Variants in TMF1 observed in about 807,000 individuals in gnomAD.
TMF1 encodes the protein TATA element modulatory factor 1, also known as TATA element modulatory factor.
TMF1 carries 71 observed loss-of-function variants against 126.5 expected under a neutral mutation model. The observed-to-expected ratio is 0.56, with a 90% confidence interval of 0.46 to 0.68. The LOEUF (loss-of-function observed/expected upper bound fraction) is 0.68, where lower values mean the gene tolerates loss of function less well. TMF1 is among the 30% of genes least tolerant of loss of function. The pLI is 0.00. For synonymous variants in TMF1, 461 were observed against 430.5 expected, an observed-to-expected ratio of 1.07 and a Z score of -0.88; for missense variants, 1,259 against 1,253.2, an observed-to-expected ratio of 1.00 and a Z score of -0.07.
At position 69,048,608 on chromosome 3, in the gene TMF1, A is replaced by G. The variant is rs756119965; in HGVS notation, c.143-46T>C. The G allele has an allele frequency of 1.2e-5, 17 of 1,426,214 alleles. No homozygotes were observed. In the South Asian group the frequency reaches 2.0e-4, roughly 17 times the overall value. The allele number at this position is 1,426,214 out of a possible 1,614,324, so 88.3% of individuals were successfully genotyped here. A position where few individuals can be genotyped will look rare whatever the true frequency, so the allele number is the denominator to read the frequency against. On this transcript the variant is annotated intron_variant, in intron 1 of 16. Coordinates refer to ENST00000398559, the MANE Select transcript of TMF1 (RefSeq NM_007114.3). ...TTAAAAAAGAACACATATATGTTAC[A>G]TTAATATTTCAATCATCATTATAAA...
chr3:69,032,196 A>G (rs1333719870), intron 10 of TMF1, among the ~76,000 whole-genome samples: 3 of 152,166 alleles, frequency 2.0e-5, no homozygotes, highest in Non-Finnish European at 4.4e-5. Flanking sequence ...CCCTCTCACC[A>G]TGACAGCAGC....
intron 8 of TMF1, among the ~76,000 whole-genome samples, chr3:69,038,170 A>T (rs904421574): frequency 6.6e-6 from 1 of 152,234 alleles, no homozygotes; most frequent in Non-Finnish European, 1.5e-5. Flanking sequence ...TGATTTGATA[A>T]GACAAAGCCT....
At position 69,022,201 on chromosome 3, in the gene TMF1, G is replaced by T. The variant is rs2091742234; in HGVS notation, c.*976C>A. 2 of 152,412 alleles carry T rather than the reference G, an allele frequency of 1.3e-5. No individual in the cohort carries two copies. The highest frequency in any genetic ancestry group is 2.9e-5 in the Non-Finnish European group (2 of 68,000). 9.4% of individuals were successfully genotyped at this position (152,412 alleles called of 1,614,324 possible). ...AATGATAAATCACAAAATTAAAAAT[G>T]CCAAATTCAAGTTAATTCCTATAAT... On this transcript the variant is annotated 3_prime_UTR_variant, in exon 17 of 17. Transcript: ENST00000398559.
chr3:69,048,271 G>A lies in TMF1; in HGVS notation c.434C>T (p.Pro145Leu). 6.2e-7 allele frequency: 1 copy of A among 1,614,168 alleles called. No homozygotes were observed. The highest frequency in any genetic ancestry group is 8.5e-7 in the Non-Finnish European group (1 of 1,180,030). The change falls in exon 2 of 17, where the codon CCT becomes CTT. Residue 145 changes from proline to leucine, a missense_variant. Coordinates refer to ENST00000398559, the MANE Select transcript of TMF1 (RefSeq NM_007114.3). ...TTTTACTTGTGATTCAGTTGTTTCA[G>A]GAGTTCTTGACTGGCCAATGTGCAA... is the stretch of plus-strand genomic sequence containing the variant. Reference protein sequence around the residue: ...ESLHIGQSRTPETTESQVKDS... With the variant: ...ESLHIGQSRTLETTESQVKDS...
intron 1 of TMF1, 73 bp downstream of exon 1, chr3:69,051,872 C>T (rs939956865): frequency 1.9e-6 from 3 of 1,547,904 alleles, no homozygotes; most frequent in African/African-American, 2.8e-5. Flanking sequence ...CCCCTCTCTA[C>T]ACCACTTAAC....
Position 69,027,904 on chromosome 3 carries a change from T to A in TMF1, c.2753A>T (p.Glu918Val), listed in dbSNP as rs1398802755. 1.3e-6 allele frequency: 2 copies of A among 1,533,946 alleles called. No individual in the cohort carries two copies. Among genetic ancestry groups the A allele is most frequent in the South Asian group, 2.3e-5 (2 of 87,104 alleles). ...AACAAAAACAAAATTCAATACCTTT[T>A]CTTTTATTGTTTCTTGAGTAAAAAT... Reference protein sequence around the residue: ...KAIFTQETIKEKERKPFSVSS... With the variant: ...KAIFTQETIKVKERKPFSVSS... Residue 918 changes from glutamate to valine, a missense_variant, in exon 13 of 17, where the codon GAA becomes GTA. Transcript: ENST00000398559.
In TMF1 at chr3:69,038,859, G is replaced by A; in HGVS notation, c.1978C>T (p.Leu660=). The change falls in exon 7 of 17, where the codon CTG becomes TTG. Residue 660 remains leucine (L), a synonymous_variant. Transcript: ENST00000398559. ...TTTTCTTACTTGTATGCACTATCCAGGGCAGCCTGAATACTTCGGTTCTTT... is the reference window on the plus strand; with the variant it reads ...TTTTCTTACTTGTATGCACTATCCAAGGCAGCCTGAATACTTCGGTTCTTT... ...EEKNRSIQAA[L]DSAYKELTDL... is the part of the protein sequence containing the mutation. 6.2e-7 allele frequency: 1 copy of A among 1,608,060 alleles called. No individual in the cohort carries two copies. The highest frequency in any genetic ancestry group is 8.5e-7 in the Non-Finnish European group (1 of 1,177,906).
chr3:69,025,573 A>G lies in TMF1; in HGVS notation c.2999T>C (p.Ile1000Thr). The change falls in exon 15 of 17, where the codon ATC (isoleucine) becomes ACC (threonine). Residue 1000 changes from isoleucine to threonine, a missense_variant. Coordinates refer to ENST00000398559, the MANE Select transcript of TMF1 (RefSeq NM_007114.3). ...TTTTTCCAATACCTGTAAATGAGTG[A>G]TTTCCCCTTCCCTTAGCTTTAGCTG... ...QSQLKLREGE[I>T]THLQLEIGNL... The G allele has an allele frequency of 1.2e-6, 2 of 1,611,756 alleles. No individual in the cohort carries two copies. Among genetic ancestry groups the G allele is most frequent in the Non-Finnish European group, 1.7e-6 (2 of 1,179,086 alleles).
Position 69,052,279 on chromosome 3 carries a change from G to A in TMF1, c.-193C>T, listed in dbSNP as rs186081443. On this transcript the variant is annotated 5_prime_UTR_variant, in exon 1 of 17. Coordinates refer to ENST00000398559, the MANE Select transcript of TMF1 (RefSeq NM_007114.3). ...CCGTTCCCGCACAGCTGAGACGAAG[G>A]GGGCCCATGTGCGCATGCGCTTGCT... 5.8e-6 allele frequency: 3 copies of A among 513,718 alleles called. No individual in the cohort carries two copies. Among genetic ancestry groups the A allele is most frequent in the African/African-American group, 2.0e-5 (1 of 50,648 alleles). 31.8% of individuals were successfully genotyped at this position (513,718 alleles called of 1,614,324 possible). A position where few individuals can be genotyped will look rare whatever the true frequency, so the allele number is the denominator to read the frequency against.
In TMF1 at chr3:69,022,897, G is replaced by A; in HGVS notation, c.*280C>T. On this transcript the variant is annotated 3_prime_UTR_variant, in exon 17 of 17. Coordinates refer to ENST00000398559, the MANE Select transcript of TMF1 (RefSeq NM_007114.3). ...TCTTCTTCTCTAGCCATATTTATAT[G>A]AGGATAAAGTAATAAATCTCTGTGC... is the stretch of plus-strand genomic sequence containing the variant. 1 of 238,312 alleles carries A rather than the reference G, an allele frequency of 4.2e-6. No individual in the cohort carries two copies. Among genetic ancestry groups the A allele is most frequent in the Non-Finnish European group, 8.1e-6 (1 of 124,222 alleles). The allele number at this position is 238,312 out of a possible 1,614,324, so 14.8% of individuals were successfully genotyped here. A position where few individuals can be genotyped will look rare whatever the true frequency, so the allele number is the denominator to read the frequency against.
At chr3:69,050,595 G>A (rs10865643) in intron 1 of TMF1, among the ~76,000 whole-genome samples, 52,588 of 151,986 alleles carry the variant, frequency 0.35, 9,317 homozygotes, top group African/African-American at 0.4. Flanking sequence ...ATCCTTATAT[G>A]TAAAACCTAT....
rs139736121 is a variant in TMF1, at chr3:69,028,335, A to G, written c.2595-40T>C. On this transcript the variant is annotated intron_variant, in intron 11 of 16. Coordinates refer to ENST00000398559, the MANE Select transcript of TMF1 (RefSeq NM_007114.3). ...AGAATTTAAAAAAACAGAAAATGAA[A>G]AAGATGCTAGTATAGACTATTAAAA... The G allele has an allele frequency of 7.3e-3, 10,429 of 1,429,292 alleles. 76 individuals carry two copies. Among genetic ancestry groups the G allele is most frequent in the Middle Eastern group, 0.025 (143 of 5,676 alleles). The allele number at this position is 1,429,292 out of a possible 1,614,324, so 88.5% of individuals were successfully genotyped here.
rs1049531366 is a variant in TMF1, at chr3:69,023,141, T to A, written c.*36A>T. On this transcript the variant is annotated 3_prime_UTR_variant, in exon 17 of 17. Coordinates refer to ENST00000398559, the MANE Select transcript of TMF1 (RefSeq NM_007114.3). ...CATTAAATGTTTAGATATTAAATGCTTACATTCAGTTTGATGGGAATTCAA... is the reference window on the plus strand; with the variant it reads ...CATTAAATGTTTAGATATTAAATGCATACATTCAGTTTGATGGGAATTCAA... 7.6e-6 allele frequency: 12 copies of A among 1,572,096 alleles called. No homozygotes were observed. Among genetic ancestry groups the A allele is most frequent in the Non-Finnish European group, 9.6e-6 (11 of 1,149,282 alleles).
At chr3:69,033,495 T>C (rs2091815922) in intron 10 of TMF1, 53 bp downstream of exon 10, 1 of 1,545,926 alleles carries the variant, frequency 6.5e-7, no homozygotes, top group Non-Finnish European at 8.7e-7. Context: ...ATTCTAATTC[T>C]ATAAACAAGA....
chr3:69,033,156 C>G (rs888986182), intron 10 of TMF1, among the ~76,000 whole-genome samples: 2 of 151,564 alleles, frequency 1.3e-5, no homozygotes, highest in African/African-American at 4.8e-5. Flanking sequence ...CGCCTGTAAT[C>G]CCAGCTACTC....
In TMF1 at chr3:69,039,001, A is replaced by G. The variant is rs765584572; in HGVS notation, c.1836T>C (p.Asp612=). 3 of 1,586,586 alleles carry G rather than the reference A, an allele frequency of 1.9e-6. No individual in the cohort carries two copies. The highest frequency in any genetic ancestry group is 2.7e-5 in the African/African-American group (2 of 73,352). ...GTTGTTTCTCAACCTCTTCTTTGCC[A>G]TCAAGGACCTATATGTTATAAAAAC... is the stretch of plus-strand genomic sequence containing the variant. The part of the protein sequence containing the change: ...EELQHLKQVL[D]GKEEVEKQHR... The change falls in exon 7 of 17, where the codon GAT becomes GAC. Residue 612 remains aspartate (D), a synonymous_variant. Coordinates refer to ENST00000398559, the MANE Select transcript of TMF1 (RefSeq NM_007114.3).
chr3:69,026,247 A>C (rs2091766604), intron 13 of TMF1, 150 bp from the exon 14 acceptor site: 2 of 529,826 alleles, frequency 3.8e-6, no homozygotes, highest in Non-Finnish European at 6.6e-6. Context: ...AAAGAAGAAA[A>C]AAAACTTTTT....
rs2091934963 is a variant in TMF1, at chr3:69,052,165, G to C, written c.-79C>G. 1 of 1,437,286 alleles carries C rather than the reference G, an allele frequency of 7.0e-7. No homozygotes were observed. The highest frequency in any genetic ancestry group is 2.5e-5 in the East Asian group (1 of 40,656). The allele number at this position is 1,437,286 out of a possible 1,614,324, so 89.0% of individuals were successfully genotyped here. ...GCCTGGGGAAGGGTGCAGAGGAACGGCTTCGCTCCCCTTTTCCACTCGGCT... is the reference window on the plus strand; with the variant it reads ...GCCTGGGGAAGGGTGCAGAGGAACGCCTTCGCTCCCCTTTTCCACTCGGCT... On this transcript the variant is annotated 5_prime_UTR_variant, in exon 1 of 17. Transcript: ENST00000398559.
chr3:69,041,548 A>G (rs954866837), intron 5 of TMF1, among the ~76,000 whole-genome samples: 1 of 152,188 alleles, frequency 6.6e-6, no homozygotes, highest in Non-Finnish European at 1.5e-5. Flanking sequence ...ACCACTAACT[A>G]TATTATTAAC....
Sources: allele counts gnomAD v4.1 joint callset (sites outside exome capture counted in the v4.1 genomes callset), GRCh38; gene constraint gnomAD v4.1.1; transcripts MANE v1.5; gene names NCBI Gene and HGNC (gene_info 2026-07-23, HGNC 2026-07-21).